The following IMMP2L variants were observed in gnomAD, a reference collection of about 807,000 sequenced individuals.
IMMP2L encodes the protein inner mitochondrial membrane peptidase subunit 2.
Under a neutral mutation model 19.3 loss-of-function variants are expected in IMMP2L, and 18 were observed. The observed-to-expected ratio is 0.93, with a 90% CI of 0.64 to 1.38. The LOEUF (loss-of-function observed/expected upper bound fraction) is 1.38, where lower values mean the gene tolerates loss of function less well. IMMP2L is among the 40% of genes most tolerant of loss of function. The pLI is 0.00. For synonymous variants in IMMP2L, 76 were observed against 73.0 expected, an observed-to-expected ratio of 1.04 and a Z score of -0.21; for missense variants, 233 against 218.2, an observed-to-expected ratio of 1.07 and a Z score of -0.43.
intron 3 of IMMP2L, among the ~76,000 whole-genome samples, chr7:111,259,118 T>C (rs189087267): frequency 5.5e-4 from 84 of 152,098 alleles, no homozygotes; most frequent in Non-Finnish European, 9.7e-4. Context: ...TGTCTAAACA[T>C]AGAAAAGGTA....
chr7:111,388,863 C>T (rs777438812), intron 3 of IMMP2L, among the ~76,000 whole-genome samples: 11 of 151,986 alleles, frequency 7.2e-5, no homozygotes, highest in Non-Finnish European at 1.3e-4. Context: ...GGTGGGGACA[C>T]AGCCAAGCCA....
chr7:111,540,148 A>G (rs888602271), intron 1 of IMMP2L, among the ~76,000 whole-genome samples: 2 of 152,200 alleles, frequency 1.3e-5, no homozygotes, highest in Admixed American at 6.5e-5. Context: ...ACCTTAAAGG[A>G]AAAGATCCAC....
In IMMP2L at chr7:111,404,833, G is replaced by A. The variant is rs80328432; in HGVS notation, c.239+82405C>T. On this transcript the variant is annotated intron_variant, in intron 3 of 5. Transcript: ENST00000405709. ...GTAATGTGAGTTCTTGGTACATAAT[G>A]TCTGTCAGTAGGCAATACAAAAATT... 8.6e-3 allele frequency among the ~76,000 whole-genome samples: 1,302 copies of A among 152,110 alleles called. 21 individuals are homozygous for A. The highest frequency in any genetic ancestry group is 0.03 in the African/African-American group (1,232 of 41,506).
chr7:111,465,697 A>G (rs561757235), intron 3 of IMMP2L, among the ~76,000 whole-genome samples: 227 of 152,200 alleles, frequency 1.5e-3, no homozygotes, highest in African/African-American at 5.2e-3. Context: ...GAGGATGTGG[A>G]GAAATAGGAA....
chr7:110,906,452 G>A (rs188690136), intron 4 of IMMP2L, among the ~76,000 whole-genome samples: 4 of 152,260 alleles, frequency 2.6e-5, no homozygotes, highest in Admixed American at 2.0e-4. Flanking sequence ...GTTTAGTTCC[G>A]TGTGACAGAA....
chr7:111,123,223 T>G lies in IMMP2L; in HGVS notation c.240-159658A>C. 6.2e-7 allele frequency: 1 copy of G among 1,613,874 alleles called. No individual in the cohort carries two copies. The highest frequency in any genetic ancestry group is 1.7e-5 in the Admixed American group (1 of 59,952). ...ACAAGAACTCTATATTAATCACAACTTGCTTTCTACAATTTCACCTGGAGC... is the reference window on the plus strand; with the variant it reads ...ACAAGAACTCTATATTAATCACAACGTGCTTTCTACAATTTCACCTGGAGC... On this transcript the variant is annotated intron_variant, in intron 3 of 5. Coordinates refer to ENST00000405709, the MANE Select transcript of IMMP2L (RefSeq NM_032549.4). The surrounding 1 kb of genome is among the most constrained non-coding windows in gnomAD (Gnocchi z 6.4).
Position 110,758,675 on chromosome 7 carries a change from T to C in IMMP2L, c.409-94954A>G, listed in dbSNP as rs1376836166. The stretch of plus-strand genomic sequence containing the variant: ...TTTGTGAGCAGTTAGGACGTTAGTA[T>C]ATAATCAAGATCTTGGAGTTTAACT... On this transcript the variant is annotated intron_variant, in intron 5 of 5. Coordinates refer to ENST00000405709, the MANE Select transcript of IMMP2L (RefSeq NM_032549.4). This position sits in a 1 kb window ranked among gnomAD's most constrained non-coding sequence, Gnocchi z 4.6. 1.3e-5 allele frequency among the ~76,000 whole-genome samples: 2 copies of C among 152,170 alleles called. No individual in the cohort carries two copies. Among genetic ancestry groups the C allele is most frequent in the Non-Finnish European group, 2.9e-5 (2 of 68,016 alleles).
intron 5 of IMMP2L, among the ~76,000 whole-genome samples, chr7:110,816,532 T>G (rs748326678): frequency 6.6e-6 from 1 of 151,786 alleles, no homozygotes; most frequent in Non-Finnish European, 1.5e-5. Flanking sequence ...GTTAACTTTC[T>G]GTCTCGTTGA....
chr7:111,438,800 C>G (rs555065309), intron 3 of IMMP2L, among the ~76,000 whole-genome samples: 1 of 151,882 alleles, frequency 6.6e-6, no homozygotes, highest in East Asian at 1.9e-4. Context: ...TCATTCTACA[C>G]CCCTAACACA....
At chr7:110,791,561 C>A (rs1285137304) in intron 5 of IMMP2L, among the ~76,000 whole-genome samples, 1 of 151,598 alleles carries the variant, frequency 6.6e-6, no homozygotes, top group Non-Finnish European at 1.5e-5. Flanking sequence ...GACCAGTAAG[C>A]AAAACAATAT....
intron 1 of IMMP2L, among the ~76,000 whole-genome samples, chr7:111,522,084 C>A (rs1296536674): frequency 6.6e-6 from 1 of 152,086 alleles, no homozygotes; most frequent in Non-Finnish European, 1.5e-5. Flanking sequence ...ATGGAACGAT[C>A]CTAGGTCCGC....
At chr7:111,184,321 T>C (rs1808036985) in intron 3 of IMMP2L, among the ~76,000 whole-genome samples, 1 of 151,986 alleles carries the variant, frequency 6.6e-6, no homozygotes, top group Admixed American at 6.6e-5. Flanking sequence ...CCAATTTCCA[T>C]CTAAAATGAC....
chr7:110,687,990 T>C (rs1446980910), intron 5 of IMMP2L, among the ~76,000 whole-genome samples: 1 of 151,966 alleles, frequency 6.6e-6, no homozygotes, highest in Non-Finnish European at 1.5e-5. Flanking sequence ...AAGAAGTATG[T>C]CTATGAAATC....
chr7:110,998,505 A>G (rs1823277662), intron 3 of IMMP2L, among the ~76,000 whole-genome samples: 1 of 152,184 alleles, frequency 6.6e-6, no homozygotes, highest in Admixed American at 6.6e-5. Flanking sequence ...AATCACTGCA[A>G]ATTAGTAAAC....
At chr7:110,863,014 G>C (rs990272670) in intron 5 of IMMP2L, among the ~76,000 whole-genome samples, 1 of 152,014 alleles carries the variant, frequency 6.6e-6, no homozygotes, top group Non-Finnish European at 1.5e-5. Flanking sequence ...CGGAGAACCA[G>C]CACAAATTCT....
intron 4 of IMMP2L, among the ~76,000 whole-genome samples, chr7:110,920,006 A>G (rs532662615): frequency 2.0e-5 from 3 of 152,282 alleles, no homozygotes; most frequent in Admixed American, 2.0e-4. Context: ...CCTGCCTTCA[A>G]ACATCAGACT....
chr7:111,445,685 G>C (rs1422788278), intron 3 of IMMP2L, among the ~76,000 whole-genome samples: 2 of 150,824 alleles, frequency 1.3e-5, no homozygotes, highest in Non-Finnish European at 2.9e-5. Flanking sequence ...ATTAATTAAA[G>C]AACAGGGAAG....
intron 3 of IMMP2L, among the ~76,000 whole-genome samples, chr7:111,203,464 A>G (rs1810367730): frequency 6.6e-6 from 1 of 152,134 alleles, no homozygotes; most frequent in Non-Finnish European, 1.5e-5. Flanking sequence ...TGTTACTTTA[A>G]ATAAGGCAGT....
chr7:111,352,615 A>G (rs1038453940), intron 3 of IMMP2L, among the ~76,000 whole-genome samples: 4 of 151,880 alleles, frequency 2.6e-5, no homozygotes, highest in Non-Finnish European at 5.9e-5. Context: ...CATCATTCTG[A>G]TTTTCCTCAG....
Sources: gnomAD v4.1 joint callset for allele counts (sites outside exome capture counted in the v4.1 genomes callset) on GRCh38, gnomAD v4.1.1 for gene constraint, Gnocchi (gnomAD v3.1) non-coding constraint, MANE v1.5 for transcripts, NCBI Gene and HGNC (gene_info 2026-07-23, HGNC 2026-07-21) for gene names.